Variants in CSMD1 observed in about 807,000 individuals in gnomAD.
CSMD1 encodes the protein CUB and Sushi multiple domains 1, also known as CUB and sushi domain-containing protein 1.
In CSMD1, 213 loss-of-function variants were observed where a neutral mutation model predicts 417.5. That is an observed-to-expected ratio of 0.51 (90% CI 0.46 to 0.57). CSMD1 has a LOEUF of 0.57. CSMD1 is among the 20% of genes least tolerant of loss of function. The pLI is 0.00. For missense variants in CSMD1, 6,923 were observed against 4,529.7 expected (o/e 1.53, Z -15.17); for synonymous variants, 2,862 against 1,736.8 (o/e 1.65, Z -16.11).
intron 1 of CSMD1, among the ~76,000 whole-genome samples, chr8:4,919,034 C>G (rs559478493): frequency 2.0e-5 from 3 of 152,038 alleles, no homozygotes; most frequent in Non-Finnish European, 2.9e-5. Context: ...GGTGCAGGGA[C>G]GAATGTAACA....
intron 5 of CSMD1, among the ~76,000 whole-genome samples, chr8:3,893,444 G>T (rs1382128997): frequency 6.7e-6 from 1 of 148,618 alleles, no homozygotes; most frequent in Non-Finnish European, 1.5e-5. Context: ...AACCAATGAG[G>T]ACAGTATGAT....
intron 1 of CSMD1, chr8:4,787,737 G>A: frequency 6.3e-7 from 1 of 1,589,142 alleles, no homozygotes; most frequent in Non-Finnish European, 8.6e-7. Flanking sequence ...AGTGGTCTGA[G>A]GAACAGCTGA....
intron 26 of CSMD1, among the ~76,000 whole-genome samples, chr8:3,256,555 G>T (rs1800671628): frequency 6.6e-6 from 1 of 152,056 alleles, no homozygotes; most frequent in Non-Finnish European, 1.5e-5. Flanking sequence ...CTATAATCTT[G>T]CCCCTTTTGC....
intron 10 of CSMD1, among the ~76,000 whole-genome samples, chr8:3,499,107 A>C (rs577582546): frequency 6.6e-6 from 1 of 152,318 alleles, no homozygotes; most frequent in African/African-American, 2.4e-5. Context: ...ACATCTGACA[A>C]AACAATTTCT....
Position 4,199,720 on chromosome 8 carries a change from G to C in CSMD1, c.416-167621C>G, listed in dbSNP as rs999219808. ...ATTGTTAATCCAGTGCCATTTCTCA[G>C]GGATCAGATGCTTTGATCCTCTTAA... is the stretch of plus-strand genomic sequence containing the variant. On this transcript the variant is annotated intron_variant, in intron 3 of 69. Coordinates refer to ENST00000635120, the MANE Select transcript of CSMD1 (RefSeq NM_033225.6). 1.3e-5 allele frequency among the ~76,000 whole-genome samples: 2 copies of C among 152,110 alleles called. 1 individual carries two copies. Among genetic ancestry groups the C allele is most frequent in the Admixed American group, 1.3e-4 (2 of 15,272 alleles).
chr8:3,586,467 T>G (rs1800607037), intron 8 of CSMD1, among the ~76,000 whole-genome samples: 2 of 152,016 alleles, frequency 1.3e-5, no homozygotes, highest in African/African-American at 2.4e-5. Context: ...TTCAGATTCC[T>G]GTTGTGCCAG....
At chr8:4,202,815 G>C (rs1451489427) in intron 3 of CSMD1, among the ~76,000 whole-genome samples, 1 of 152,184 alleles carries the variant, frequency 6.6e-6, no homozygotes, top group Non-Finnish European at 1.5e-5. Flanking sequence ...AAAATACCTA[G>C]AAAAAGAGGG....
intron 3 of CSMD1, among the ~76,000 whole-genome samples, chr8:4,415,495 C>G (rs1366681840): frequency 1.3e-5 from 2 of 152,148 alleles, no homozygotes; most frequent in Non-Finnish European, 2.9e-5. Context: ...ACATGGCCCA[C>G]GTAGACCTGC....
At chr8:4,730,949 T>A (rs1339019929) in intron 1 of CSMD1, among the ~76,000 whole-genome samples, 3 of 152,128 alleles carry the variant, frequency 2.0e-5, no homozygotes, top group Non-Finnish European at 4.4e-5. Flanking sequence ...CCAGTGTTCC[T>A]GCCTATTGGG....
chr8:4,182,922 T>C (rs976058286), intron 3 of CSMD1, among the ~76,000 whole-genome samples: 1 of 152,048 alleles, frequency 6.6e-6, no homozygotes, highest in Non-Finnish European at 1.5e-5. Context: ...AGACGGTGGA[T>C]AGAATCTCAA....
At chr8:3,016,622 T>C (rs1808857647) in intron 52 of CSMD1, among the ~76,000 whole-genome samples, 1 of 152,228 alleles carries the variant, frequency 6.6e-6, no homozygotes, top group South Asian at 2.1e-4. Context: ...CATATGTATG[T>C]GTCATTTCTA....
intron 26 of CSMD1, among the ~76,000 whole-genome samples, chr8:3,235,386 C>A (rs1799090375): frequency 1.3e-5 from 2 of 152,116 alleles, no homozygotes; most frequent in Admixed American, 1.3e-4. Context: ...AGATTTTATA[C>A]ATGAATAAGA....
At chr8:3,734,413 T>G (rs1236952481) in intron 6 of CSMD1, among the ~76,000 whole-genome samples, 1 of 152,206 alleles carries the variant, frequency 6.6e-6, no homozygotes, top group Non-Finnish European at 1.5e-5. Flanking sequence ...CTGCTCAATT[T>G]AAAATACAGA....
At chr8:2,953,204 G>T (rs906011887) in intron 65 of CSMD1, among the ~76,000 whole-genome samples, 9 of 152,082 alleles carry the variant, frequency 5.9e-5, no homozygotes, top group Admixed American at 5.9e-4. Context: ...TTCTGTATGT[G>T]ATTTTTAGGT....
At chr8:4,571,323 G>C (rs1166446160) in intron 2 of CSMD1, among the ~76,000 whole-genome samples, 1 of 152,194 alleles carries the variant, frequency 6.6e-6, no homozygotes, top group Non-Finnish European at 1.5e-5. Flanking sequence ...CCGTGTCCCA[G>C]AGATTCTGGT....
chr8:2,938,414 G>C lies in CSMD1; in HGVS notation c.*171C>G. 2 of 607,592 alleles carry C rather than the reference G, an allele frequency of 3.3e-6. No homozygotes were observed. The highest frequency in any genetic ancestry group is 5.8e-5 in the East Asian group (2 of 34,436). 37.6% of individuals were successfully genotyped at this position (607,592 alleles called of 1,614,324 possible). A position where few individuals can be genotyped will look rare whatever the true frequency, so the allele number is the denominator to read the frequency against. ...CGCATGTGTAGTTTGATCCGTAGAA[G>C]ACCCTGACACATTTGAGTAGAGATC... On this transcript the variant is annotated 3_prime_UTR_variant, in exon 70 of 70. Transcript: ENST00000635120.
intron 12 of CSMD1, among the ~76,000 whole-genome samples, chr8:3,410,175 T>C (rs760325363): frequency 4.6e-5 from 7 of 152,216 alleles, no homozygotes; most frequent in Non-Finnish European, 1.0e-4. Flanking sequence ...TGCGTCCAAA[T>C]ACACCAAACC....
At chr8:4,890,282 G>A (rs1408600185) in intron 1 of CSMD1, among the ~76,000 whole-genome samples, 2 of 152,128 alleles carry the variant, frequency 1.3e-5, no homozygotes, top group African/African-American at 4.8e-5. Flanking sequence ...AACGAGAAAT[G>A]CAAATGTCTA....
chr8:4,225,937 T>G (rs1365600121), intron 3 of CSMD1, among the ~76,000 whole-genome samples: 1 of 152,198 alleles, frequency 6.6e-6, no homozygotes, highest in Admixed American at 6.5e-5. Flanking sequence ...TTGGTAGAAT[T>G]TATTTGAATG....
Sources: gnomAD v4.1 joint callset for allele counts (sites outside exome capture counted in the v4.1 genomes callset) on GRCh38, gnomAD v4.1.1 for gene constraint, MANE v1.5 for transcripts, NCBI Gene and HGNC (gene_info 2026-07-23, HGNC 2026-07-21) for gene names.